Variants in CHN2 observed in about 807,000 individuals in gnomAD.
The protein encoded by CHN2 is chimerin 2, also known as beta-chimaerin.
A neutral mutation model predicts 56.3 loss-of-function variants in CHN2; 35 were observed. That is an observed-to-expected ratio of 0.62 (90% CI 0.47 to 0.82). The LOEUF is 0.82. Ranked by LOEUF, CHN2 falls within the 40% of genes least tolerant of loss-of-function variation. The pLI is 0.00. For synonymous variants in CHN2, 210 were observed against 212.8 expected, an observed-to-expected ratio of 0.99 and a Z score of 0.12; for missense variants, 491 against 580.5, an observed-to-expected ratio of 0.85 and a Z score of 1.58.
intron 2 of CHN2, among the ~76,000 whole-genome samples, chr7:29,155,454 C>T (rs545639616): frequency 3.3e-5 from 5 of 152,064 alleles, no homozygotes; most frequent in Non-Finnish European, 5.9e-5. Flanking sequence ...TACTGTAACC[C>T]GAAAAGGTAG....
At chr7:29,184,160 GATA>G (rs1798415568) in intron 2 of CHN2, among the ~76,000 whole-genome samples, 1 of 111,880 alleles carries the variant, frequency 8.9e-6, no homozygotes, top group African/African-American at 3.6e-5. Context: ...ATGATAGATA[GATA>G]GATAGATAGA....
intron 1 of CHN2, among the ~76,000 whole-genome samples, chr7:29,267,491 C>T (rs573884408): frequency 6.6e-6 from 1 of 152,148 alleles, no homozygotes; most frequent in Admixed American, 6.5e-5. Flanking sequence ...GACCCTCCCA[C>T]CTTGGCCTCC....
chr7:29,300,278 C>A (rs561365566), intron 1 of CHN2, among the ~76,000 whole-genome samples: 64 of 152,200 alleles, frequency 4.2e-4, no homozygotes, highest in Middle Eastern at 3.4e-3. Context: ...GGTGTTGAAG[C>A]CTTCAGGGCA....
At chr7:29,434,191 C>T (rs1054493927) in intron 6 of CHN2, among the ~76,000 whole-genome samples, 4 of 152,096 alleles carry the variant, frequency 2.6e-5, no homozygotes, top group African/African-American at 4.8e-5. Flanking sequence ...TTCTTTGCCC[C>T]GCATCACCAC....
At chr7:29,184,340 C>T (rs2128746702) in intron 2 of CHN2, 1 of 151,518 alleles carries the variant, frequency 6.6e-6, no homozygotes, top group South Asian at 2.1e-4. Flanking sequence ...CTATGTATCT[C>T]ATATATATAT....
At chr7:29,150,500 T>C (rs1020926939) in intron 2 of CHN2, among the ~76,000 whole-genome samples, 1 of 152,206 alleles carries the variant, frequency 6.6e-6, no homozygotes, top group Non-Finnish European at 1.5e-5. Flanking sequence ...CACTGACCTA[T>C]AGCCGGAGCT....
chr7:29,346,052 G>A (rs1270286948), intron 1 of CHN2, among the ~76,000 whole-genome samples: 3 of 152,164 alleles, frequency 2.0e-5, no homozygotes, highest in South Asian at 2.1e-4. Context: ...ATACATGGAT[G>A]TCTAATTTCT....
intron 6 of CHN2, among the ~76,000 whole-genome samples, chr7:29,411,837 C>T (rs1346058933): frequency 6.6e-6 from 1 of 152,168 alleles, no homozygotes; most frequent in Non-Finnish European, 1.5e-5. Flanking sequence ...TGCCCTTCAG[C>T]CCGCCCCCGT....
At chr7:29,273,325 G>A (rs1790817187) in intron 1 of CHN2, among the ~76,000 whole-genome samples, 1 of 78,666 alleles carries the variant, frequency 1.3e-5, no homozygotes, top group Non-Finnish European at 2.5e-5. Context: ...ATTCCATCAT[G>A]CATATATATA....
intron 1 of CHN2, among the ~76,000 whole-genome samples, chr7:29,240,831 G>GTCA (rs925707221): frequency 2.0e-5 from 3 of 151,108 alleles, no homozygotes; most frequent in Non-Finnish European, 4.4e-5. Context: ...CGTCGTCGTC[G>GTCA]TCGTCTTCGT....
chr7:29,289,438 C>T (rs1018556701), intron 1 of CHN2, among the ~76,000 whole-genome samples: 1 of 152,088 alleles, frequency 6.6e-6, no homozygotes, highest in South Asian at 2.1e-4. Context: ...GGGATGCTGG[C>T]AGCATCCCAA....
chr7:29,206,191 C>T (rs1028536770), intron 1 of CHN2, among the ~76,000 whole-genome samples: 45 of 152,038 alleles, frequency 3.0e-4, no homozygotes, highest in African/African-American at 1.0e-3. Context: ...CAACTGTAGC[C>T]CCTTCCCTCC....
At chr7:29,404,923 G>A (rs926680526) in intron 6 of CHN2, among the ~76,000 whole-genome samples, 11 of 151,960 alleles carry the variant, frequency 7.2e-5, no homozygotes, top group African/African-American at 2.7e-4. Flanking sequence ...CTTGAAGGAT[G>A]CAAGAGCCAG....
intron 2 of CHN2, among the ~76,000 whole-genome samples, chr7:29,184,270 G>C (rs918279558): frequency 3.3e-5 from 5 of 149,964 alleles, no homozygotes; most frequent in Admixed American, 1.3e-4. Context: ...ATATATAGTG[G>C]ATATATATGA....
At chr7:29,285,593 A>G (rs1177933611) in intron 1 of CHN2, among the ~76,000 whole-genome samples, 1 of 152,116 alleles carries the variant, frequency 6.6e-6, no homozygotes, top group Non-Finnish European at 1.5e-5. Flanking sequence ...GACTCATACC[A>G]CACGCAGAGT....
At chr7:29,430,789 C>CAAAA (rs72339566) in intron 6 of CHN2, among the ~76,000 whole-genome samples, 2 of 113,672 alleles carry the variant, frequency 1.8e-5, no homozygotes, top group South Asian at 2.9e-4. Context: ...AAGATGATAG[C>CAAAA]AAAAAAAAAA....
intron 2 of CHN2, among the ~76,000 whole-genome samples, chr7:29,154,254 G>T (rs918521659): frequency 6.6e-6 from 1 of 152,190 alleles, no homozygotes; most frequent in African/African-American, 2.4e-5. Context: ...GCAGCTCTGA[G>T]TAAGTGAAGG....
intron 3 of CHN2, among the ~76,000 whole-genome samples, chr7:29,371,834 A>C (rs1260811857): frequency 2.0e-5 from 3 of 152,032 alleles, no homozygotes; most frequent in African/African-American, 7.3e-5. Context: ...TCTATCTCCA[A>C]ATATATCTCG....
intron 6 of CHN2, among the ~76,000 whole-genome samples, chr7:29,408,774 T>A (rs757742818): frequency 4.6e-5 from 7 of 152,200 alleles, no homozygotes; most frequent in Non-Finnish European, 8.8e-5. Flanking sequence ...AGTTCCTCAA[T>A]ATCGGTGTTT....
Sources: allele counts gnomAD v4.1 joint callset (sites outside exome capture counted in the v4.1 genomes callset), GRCh38; gene constraint gnomAD v4.1.1; transcripts MANE v1.5; gene names NCBI Gene and HGNC (gene_info 2026-07-23, HGNC 2026-07-21).